The following WDR27 variants were observed in gnomAD, a reference collection of about 807,000 sequenced individuals.
WDR27 encodes the protein WD repeat-containing protein 27.
A neutral mutation model predicts 114.4 loss-of-function variants in WDR27; 100 were observed. The ratio of observed to expected loss-of-function variants is 0.87; its 90% CI spans 0.74 to 1.03. The LOEUF (loss-of-function observed/expected upper bound fraction) is 1.03. Ranked by LOEUF, WDR27 falls within the 50% of genes least tolerant of loss-of-function variation. The pLI is 0.00. For missense variants in WDR27, 1,129 were observed against 1,092.9 expected (o/e 1.03, Z -0.47); for synonymous variants, 449 against 423.1 (o/e 1.06, Z -0.75).
At chr6:169,454,391 G>A (rs778314240), downstream of WDR27, among the ~76,000 whole-genome samples, 8 of 152,182 alleles carry the variant, frequency 5.3e-5, no homozygotes, top group Admixed American at 3.9e-4. Context: ...TGACCTGCAT[G>A]TGGGTACATG....
intron 2 of WDR27, 48 bp downstream of exon 2, chr6:169,688,769 G>C: frequency 1.4e-6 from 2 of 1,466,574 alleles, no homozygotes; most frequent in Non-Finnish European, 9.1e-7. Flanking sequence ...GACATGGAGA[G>C]ACAAGGGCAA....
At chr6:169,520,420 C>G (rs1794225191) in intron 25 of WDR27, among the ~76,000 whole-genome samples, 1 of 151,886 alleles carries the variant, frequency 6.6e-6, no homozygotes, top group Admixed American at 6.6e-5. Context: ...GTAAACATAT[C>G]TGATAAAAAA....
chr6:169,563,639 T>A (rs1799996698), intron 25 of WDR27, among the ~76,000 whole-genome samples: 2 of 152,046 alleles, frequency 1.3e-5, no homozygotes. Flanking sequence ...GCCACAGCCG[T>A]CTCTTCTGCT....
chr6:169,562,828 G>A (rs765889145), intron 25 of WDR27, among the ~76,000 whole-genome samples: 27 of 152,296 alleles, frequency 1.8e-4, no homozygotes, highest in Non-Finnish European at 3.4e-4. Flanking sequence ...GGAGGCCGAT[G>A]AGATAGAGGA....
In WDR27 at chr6:169,635,879, A is replaced by G. The variant is rs1817559263; in HGVS notation, c.2003+492T>C. On this transcript the variant is annotated intron_variant, in intron 19 of 25. Transcript: ENST00000448612. ...AATATATCAATCTCAAAAGGAGGAAAAAGGGAAGAGGACAGGACTGGGAGA... is the reference window on the plus strand; with the variant it reads ...AATATATCAATCTCAAAAGGAGGAAGAAGGGAAGAGGACAGGACTGGGAGA... Among the ~76,000 whole-genome samples the G allele has an allele frequency of 2.0e-5, 3 of 152,244 alleles. No individual in the cohort carries two copies. The South Asian group carries it at 6.2e-4, about 32-fold the overall frequency.
Position 169,665,573 on chromosome 6 carries a change from C to T in WDR27, c.713-17G>A, listed in dbSNP as rs747266542. On this transcript the variant is annotated splice_polypyrimidine_tract_variant and intron_variant, in intron 6 of 25. Transcript: ENST00000448612. ...GAGGATATGCTGGTGAAAGGAACAT[C>T]GGAAAATTTAGCTTTGTAAGTGCCT... 9.9e-6 allele frequency: 16 copies of T among 1,609,398 alleles called. No individual in the cohort carries two copies. The highest frequency in any genetic ancestry group is 3.4e-5 in the Admixed American group (2 of 59,188).
chr6:169,436,539 A>G, the WDR27 span, among the ~76,000 whole-genome samples: 1 of 152,136 alleles, frequency 6.6e-6, no homozygotes, highest in Non-Finnish European at 1.5e-5. Context: ...TGTTAAAAAA[A>G]TGATTAGAAG....
At chr6:169,465,689 C>A (rs1785493335) in intron 25 of WDR27, among the ~76,000 whole-genome samples, 2 of 152,164 alleles carry the variant, frequency 1.3e-5, no homozygotes, top group Non-Finnish European at 2.9e-5. Flanking sequence ...GTGGACCACA[C>A]AATGGCAAAT....
chr6:169,480,046 T>C (rs1028200311), intron 25 of WDR27, among the ~76,000 whole-genome samples: 1 of 152,096 alleles, frequency 6.6e-6, no homozygotes, highest in African/African-American at 2.4e-5. Flanking sequence ...GGGAGAGGCG[T>C]GGGCAGGAAC....
intron 25 of WDR27, among the ~76,000 whole-genome samples, chr6:169,550,075 T>C (rs969784516): frequency 6.6e-6 from 1 of 151,844 alleles, no homozygotes; most frequent in African/African-American, 2.4e-5. Context: ...ATGGTAACAG[T>C]AACAAACGTA....
chr6:169,649,657 C>G (rs921756254), intron 14 of WDR27, among the ~76,000 whole-genome samples: 1 of 152,016 alleles, frequency 6.6e-6, no homozygotes, highest in African/African-American at 2.4e-5. Flanking sequence ...TATGGCAGAA[C>G]TGGGGAATCC....
rs1005637309 is a variant in WDR27, at chr6:169,634,495, A to G, written c.2034T>C (p.Ile678=). The G allele has an allele frequency of 6.2e-7, 1 of 1,612,904 alleles. No homozygotes were observed. The highest frequency in any genetic ancestry group is 8.5e-7 in the Non-Finnish European group (1 of 1,179,502). The stretch of plus-strand genomic sequence containing the variant: ...CTGCACCCGTCGTGGAGAGCCTGCA[A>G]ATCAGCTTGGACTTGCTCTTCTGTT... ...RYKQKSKSKL[I]CRLSTTGAVD... The change falls in exon 20 of 26, where the codon ATT becomes ATC. Residue 678 remains isoleucine (I), a synonymous_variant. Transcript: ENST00000448612.
the WDR27 span, among the ~76,000 whole-genome samples, chr6:169,436,230 T>C: frequency 6.6e-6 from 1 of 152,218 alleles, no homozygotes; most frequent in East Asian, 1.9e-4. Flanking sequence ...AATAAGCTGA[T>C]TTTAAATTTA....
chr6:169,446,992 C>CT, the WDR27 span, among the ~76,000 whole-genome samples: 1 of 152,174 alleles, frequency 6.6e-6, no homozygotes, highest in African/African-American at 2.4e-5. Context: ...TTCTATACAT[C>CT]TTTTTTTATT....
chr6:169,470,425 C>T (rs966779171), intron 25 of WDR27, among the ~76,000 whole-genome samples: 2 of 152,238 alleles, frequency 1.3e-5, no homozygotes, highest in Non-Finnish European at 2.9e-5. Context: ...CAGCACTCTA[C>T]TTCCTGCTAC....
intron 23 of WDR27, among the ~76,000 whole-genome samples, chr6:169,595,785 TTA>T (rs3029728): frequency 0.83 from 113,965 of 136,672 alleles, 48,088 homozygotes; most frequent in Admixed American, 0.92. Flanking sequence ...TTATACAGCT[TTA>T]TTTTTTTTTT....
chr6:169,698,142 G>A (rs1786756525), intron 1 of WDR27, among the ~76,000 whole-genome samples: 1 of 152,214 alleles, frequency 6.6e-6, no homozygotes, highest in African/African-American at 2.4e-5. Context: ...GCACCAGCCT[G>A]CACTCAGAAT....
chr6:169,674,995 T>C (rs1779727570), intron 2 of WDR27, among the ~76,000 whole-genome samples: 1 of 152,154 alleles, frequency 6.6e-6, no homozygotes. Context: ...CAAGACAATG[T>C]CATCAGTTAA....
At chr6:169,428,015 G>C in the WDR27 span, among the ~76,000 whole-genome samples, 63,295 of 151,982 alleles carry the variant, frequency 0.42, 16,053 homozygotes, top group Non-Finnish European at 0.58. Flanking sequence ...AGAAAGCGGC[G>C]TCGACATTTT....
Sources: gnomAD v4.1 joint callset for allele counts (sites outside exome capture counted in the v4.1 genomes callset) on GRCh38, gnomAD v4.1.1 for gene constraint, MANE v1.5 for transcripts, NCBI Gene and HGNC (gene_info 2026-07-23, HGNC 2026-07-21) for gene names.